The following TUBGCP2 variants were observed in gnomAD, a reference collection of about 807,000 sequenced individuals.
TUBGCP2 encodes gamma-tubulin complex component 2.
Under a neutral mutation model 92.2 loss-of-function variants are expected in TUBGCP2, and 55 were observed. That is an observed-to-expected ratio of 0.60 (90% CI 0.48 to 0.75). The LOEUF (loss-of-function observed/expected upper bound fraction) is 0.75. Among genes scored for constraint, TUBGCP2 ranks in the 30% least tolerant of loss-of-function variants. TUBGCP2 has a pLI of 0.00. For missense variants in TUBGCP2, 1,093 were observed against 1,188.9 expected (o/e 0.92, Z 1.19); for synonymous variants, 533 against 505.2 (o/e 1.06, Z -0.74).
In TUBGCP2 at chr10:133,285,390, G is replaced by A; in HGVS notation, c.1895+66C>T. Reference sequence around the variant, plus strand: ...TGTGGGACGAGGTGGCCACCGCGTGGCACAGTTCTCGCTTCTGCCAAACCT... The same window carrying A: ...TGTGGGACGAGGTGGCCACCGCGTGACACAGTTCTCGCTTCTGCCAAACCT... On this transcript the variant is annotated intron_variant, in intron 12 of 17. Transcript: ENST00000252936. This position sits in a 1 kb window ranked among gnomAD's most constrained non-coding sequence, Gnocchi z 6.8. 1 of 1,607,390 alleles carries A rather than the reference G, an allele frequency of 6.2e-7. No individual in the cohort carries two copies. Among genetic ancestry groups the A allele is most frequent in the Non-Finnish European group, 8.5e-7 (1 of 1,177,608 alleles).
chr10:133,309,939 G>C (rs1340359788), upstream of TUBGCP2: 1 of 1,613,414 alleles, frequency 6.2e-7, no homozygotes, highest in East Asian at 2.2e-5. Flanking sequence ...GGAGTGGCAC[G>C]ATTCGCTCTT....
At position 133,284,176 on chromosome 10, in the gene TUBGCP2, C is replaced by T. The variant is rs114402218; in HGVS notation, c.2025-174G>A. ...CAGACACTCACGGCCGCTGCTCCTG[C>T]GTCTGCCCAGCACAAGCTGTCACCG... is the stretch of plus-strand genomic sequence containing the variant. On this transcript the variant is annotated intron_variant, in intron 13 of 17. Transcript: ENST00000252936. Among the ~76,000 whole-genome samples, 775 of 152,326 alleles carry T rather than the reference C, an allele frequency of 5.1e-3. 6 individuals are homozygous for T. Among genetic ancestry groups the T allele is most frequent in the African/African-American group, 0.017 (725 of 41,558 alleles).
intron 10 of TUBGCP2, 55 bp from the exon 11 acceptor site, chr10:133,288,364 C>T: frequency 6.3e-7 from 1 of 1,594,416 alleles, no homozygotes; most frequent in Non-Finnish European, 8.5e-7. Flanking sequence ...CCGCCACAGC[C>T]AGGGAGCAGG....
At position 133,289,820 on chromosome 10, in the gene TUBGCP2, G is replaced by GCGGACGCCAAGTCCCTGCCCGCTGCGCCA. The variant is rs768817681; in HGVS notation, c.1360+3_1360+4insTGGCGCAGCGGGCAGGGACTTGGCGTCCG. ...ACCCCAAGTCCCCGCCCGCTGCGCCGCACCTGTGCTGAGGATCTTGTCCGC... is the reference window on the plus strand; with the variant it reads ...ACCCCAAGTCCCCGCCCGCTGCGCCGCGGACGCCAAGTCCCTGCCCGCTGCGCCACACCTGTGCTGAGGATCTTGTCCGC... On this transcript the variant is annotated splice_donor_region_variant and intron_variant, in intron 9 of 17. Coordinates refer to ENST00000252936, the MANE Select transcript of TUBGCP2 (RefSeq NM_006659.4). 2.9e-5 allele frequency: 42 copies of GCGGACGCCAAGTCCCTGCCCGCTGCGCCA among 1,469,802 alleles called. No homozygotes were observed. The highest frequency in any genetic ancestry group is 6.7e-5 in the East Asian group (3 of 44,884). The allele number at this position is 1,469,802 out of a possible 1,614,324, so 91.0% of individuals were successfully genotyped here. A position where few individuals can be genotyped will look rare whatever the true frequency, so the allele number is the denominator to read the frequency against.
Position 133,279,401 on chromosome 10 carries a change from C to T in TUBGCP2, c.*365G>A. The stretch of plus-strand genomic sequence containing the variant: ...CCCGGTTCCGACAGACCTCAGGAAG[C>T]CCGGCCCCAGCTCACCCGGAAAGAT... On this transcript the variant is annotated 3_prime_UTR_variant, in exon 18 of 18. Coordinates refer to ENST00000252936, the MANE Select transcript of TUBGCP2 (RefSeq NM_006659.4). The T allele has an allele frequency of 4.6e-6, 1 of 218,270 alleles. No individual in the cohort carries two copies. Among genetic ancestry groups the T allele is most frequent in the Non-Finnish European group, 9.1e-6 (1 of 109,938 alleles). The allele number at this position is 218,270 out of a possible 1,614,324, so 13.5% of individuals were successfully genotyped here.
intron 1 of TUBGCP2, 76 bp downstream of exon 1, chr10:133,308,747 C>T (rs1847892323): frequency 3.0e-6 from 1 of 334,410 alleles, no homozygotes; most frequent in South Asian, 1.5e-4. Flanking sequence ...AGCCCCGTCG[C>T]CTCGTGGGCC....
chr10:133,282,590 C>T (rs563577253), intron 15 of TUBGCP2, among the ~76,000 whole-genome samples: 1 of 152,250 alleles, frequency 6.6e-6, no homozygotes, highest in South Asian at 2.1e-4. Flanking sequence ...CTATTTGGGA[C>T]CCTGAAGTGG....
rs1475707256 is a variant in TUBGCP2, at chr10:133,282,405, AAAC to A, written c.2290-66_2290-64del. On this transcript the variant is annotated intron_variant, in intron 15 of 17. Transcript: ENST00000252936. The stretch of plus-strand genomic sequence containing the variant: ...TTACAACCACAATGCTTTGCAGAAA[AAAC>A]AAGTCCTGCAGGCACGTCACCCTCC... 5.9e-6 allele frequency: 9 copies of A among 1,522,668 alleles called. No individual in the cohort carries two copies. The African/African-American group carries it at 1.3e-4, about 21-fold the overall frequency. 94.3% of individuals were successfully genotyped at this position (1,522,668 alleles called of 1,614,324 possible). A position where few individuals can be genotyped will look rare whatever the true frequency, so the allele number is the denominator to read the frequency against.
At chr10:133,306,803 A>T (rs1331114088) in intron 1 of TUBGCP2, among the ~76,000 whole-genome samples, 1 of 152,148 alleles carries the variant, frequency 6.6e-6, no homozygotes, top group Non-Finnish European at 1.5e-5. Context: ...ATAATAATAA[A>T]AAAAATAAAA....
chr10:133,285,272 C>T lies in TUBGCP2; in HGVS notation c.1896-59G>A, dbSNP rs1315904335. ...TCCGTGACCGGCGGCGTCGTGGACA[C>T]GGCGTCTGTACTCCACAGTCCGCAC... is the stretch of plus-strand genomic sequence containing the variant. On this transcript the variant is annotated intron_variant, in intron 12 of 17. Transcript: ENST00000252936. The surrounding 1 kb of genome is among the most constrained non-coding windows in gnomAD (Gnocchi z 6.8). The T allele has an allele frequency of 5.0e-5, 81 of 1,604,956 alleles. No individual in the cohort carries two copies. The highest frequency in any genetic ancestry group is 6.1e-5 in the Non-Finnish European group (72 of 1,179,208).
At chr10:133,298,727 C>T (rs964388362) in intron 4 of TUBGCP2, among the ~76,000 whole-genome samples, 1 of 152,240 alleles carries the variant, frequency 6.6e-6, no homozygotes, top group Non-Finnish European at 1.5e-5. Context: ...TGTCTCTGCA[C>T]GTGGCAGTAA....
chr10:133,309,582 GCCTGTCCAGCTTTGGCGTGGCCGACTC>G (rs1366714369), upstream of TUBGCP2: 113 of 1,317,422 alleles, frequency 8.6e-5, no homozygotes, highest in Non-Finnish European at 1.2e-4. Context: ...GAGGCGCTGT[GCCTGTCCAGCTTTGGCGTGGCCGACTC>G]TTCCACCACC....
chr10:133,292,932 C>T, intron 7 of TUBGCP2, 107 bp downstream of exon 7: 1 of 1,331,162 alleles, frequency 7.5e-7, no homozygotes, highest in Non-Finnish European at 1.0e-6. Context: ...CACGCCCCTG[C>T]CCTGGGCAGC....
intron 14 of TUBGCP2, among the ~76,000 whole-genome samples, 190 bp downstream of exon 14, chr10:133,283,675 CCCTGCCTCTCCCGCATT>C (rs1472632668): frequency 1.6e-4 from 1 of 6,080 alleles, no homozygotes; most frequent in African/African-American, 6.2e-4. Context: ...TCCCTGCACT[CCCTGCCTCTCCCGCATT>C]CCCTGCCTCT....
At chr10:133,306,721 G>T (rs1178900372) in intron 1 of TUBGCP2, among the ~76,000 whole-genome samples, 1 of 152,174 alleles carries the variant, frequency 6.6e-6, no homozygotes, top group Non-Finnish European at 1.5e-5. Context: ...CCGAGAGGCG[G>T]AGCTTGCAGT....
In TUBGCP2 at chr10:133,298,028, C is replaced by A. The variant is rs779894076; in HGVS notation, c.540G>T (p.Trp180Cys). 3.1e-6 allele frequency: 5 copies of A among 1,614,160 alleles called. No homozygotes were observed. The highest frequency in any genetic ancestry group is 4.2e-6 in the Non-Finnish European group (5 of 1,180,024). Residue 180 changes from tryptophan (W) to cysteine (C), a missense_variant, in exon 5 of 18, where the codon TGG becomes TGT. Physicochemically the swap from Trp to Cys is radical, Grantham distance 215. This residue lies in a region of TUBGCP2 where 490 missense variants were observed against 488.5 expected (regional missense o/e 1.00). Coordinates refer to ENST00000252936, the MANE Select transcript of TUBGCP2 (RefSeq NM_006659.4). ...SGQHLPIFPA[W>C]VYERPALIGD... ...CGATCAGGGCAGGTCTCTCATACAC[C>A]CATGCTGGGAAGATGGGGAGGTGCT...
intron 15 of TUBGCP2, among the ~76,000 whole-genome samples, chr10:133,282,569 T>C (rs1847010368): frequency 6.6e-6 from 1 of 152,162 alleles, no homozygotes; most frequent in Non-Finnish European, 1.5e-5. Context: ...AACAGTTATT[T>C]TGGTGTTTCC....
chr10:133,292,899 T>C (rs2136125903), intron 7 of TUBGCP2, 140 bp downstream of exon 7: 2 of 1,127,118 alleles, frequency 1.8e-6, no homozygotes, highest in Non-Finnish European at 2.5e-6. Flanking sequence ...TAATAGCACA[T>C]GGAGCAACAT....
Position 133,288,159 on chromosome 10 carries a change from G to A in TUBGCP2, c.1692C>T (p.Ala564=). Residue 564 remains alanine, a synonymous_variant, in exon 11 of 18, where the codon GCC becomes GCT. Coordinates refer to ENST00000252936, the MANE Select transcript of TUBGCP2 (RefSeq NM_006659.4). ...LLELALRMST[A]NTDPFKDDLK... ...GGTCGTCCTTGAAGGGGTCAGTGTT[G>A]GCCGTGCTCATGCGCAGCGCCAGCT... 1 of 1,613,732 alleles carries A rather than the reference G, an allele frequency of 6.2e-7. No individual in the cohort carries two copies. Among genetic ancestry groups the A allele is most frequent in the Admixed American group, 1.7e-5 (1 of 60,024 alleles).
Sources: allele counts gnomAD v4.1 joint callset (sites outside exome capture counted in the v4.1 genomes callset), GRCh38; gene constraint gnomAD v4.1.1; regional missense constraint gnomAD v4.1.1; non-coding constraint Gnocchi (gnomAD v3.1); transcripts MANE v1.5; gene names NCBI Gene and HGNC (gene_info 2026-07-23, HGNC 2026-07-21).